HEMK2: variants seen among roughly 807,000 people sequenced by gnomAD.
HEMK2 encodes HemK methyltransferase 2, ETF1 glutamine and histone H4 lysine, also known as methyltransferase HEMK2.
chr21:28,814,678 G>A, the HEMK2 span, among the ~76,000 whole-genome samples: 2 of 152,028 alleles, frequency 1.3e-5, no homozygotes, highest in East Asian at 1.9e-4. Context: ...AAACCACAAC[G>A]AGATACCATC....
the HEMK2 span, among the ~76,000 whole-genome samples, chr21:28,623,526 C>G: frequency 6.6e-6 from 1 of 152,210 alleles, no homozygotes; most frequent in Admixed American, 6.5e-5. Context: ...TACAAAGACA[C>G]ATGCACACAT....
the HEMK2 span, among the ~76,000 whole-genome samples, chr21:28,774,588 T>TA: frequency 0.089 from 13,450 of 150,912 alleles, 1,027 homozygotes; most frequent in African/African-American, 0.21. Flanking sequence ...ACCCTGCTTC[T>TA]AAAAAAAAAG....
the HEMK2 span, chr21:28,885,209 C>A: frequency 6.4e-7 from 1 of 1,574,122 alleles, no homozygotes; most frequent in Non-Finnish European, 8.7e-7. Context: ...CCCCTCCTCG[C>A]ACCCTGCCAG....
the HEMK2 span, among the ~76,000 whole-genome samples, chr21:28,711,732 A>G: frequency 6.6e-6 from 1 of 152,302 alleles, no homozygotes; most frequent in East Asian, 1.9e-4. Context: ...TTGAAGAATT[A>G]ATAGGATTCA....
At chr21:28,759,390 T>C in the HEMK2 span, among the ~76,000 whole-genome samples, 3 of 152,198 alleles carry the variant, frequency 2.0e-5, no homozygotes, top group African/African-American at 7.2e-5. Context: ...TATTTCCCAA[T>C]GCCTGTACCC....
the HEMK2 span, among the ~76,000 whole-genome samples, chr21:28,582,727 A>G: frequency 3.9e-5 from 6 of 152,250 alleles, no homozygotes; most frequent in Admixed American, 3.9e-4. Flanking sequence ...AAGATACACA[A>G]TTATTGATAT....
At chr21:28,835,113 C>T in the HEMK2 span, among the ~76,000 whole-genome samples, 8 of 152,068 alleles carry the variant, frequency 5.3e-5, no homozygotes, top group Non-Finnish European at 1.2e-4. Context: ...AGGGCCCCAC[C>T]CACCACCAGT....
At chr21:28,670,744 A>G in the HEMK2 span, among the ~76,000 whole-genome samples, 2 of 152,196 alleles carry the variant, frequency 1.3e-5, no homozygotes, top group African/African-American at 2.4e-5. Context: ...GCCTCAGGAA[A>G]CTTACAGTTG....
At chr21:28,693,359 A>C in the HEMK2 span, among the ~76,000 whole-genome samples, 1 of 152,140 alleles carries the variant, frequency 6.6e-6, no homozygotes, top group Non-Finnish European at 1.5e-5. Context: ...AAGCATGACA[A>C]ATTATTAAAG....
At chr21:28,863,120 T>C in the HEMK2 span, among the ~76,000 whole-genome samples, 1 of 151,974 alleles carries the variant, frequency 6.6e-6, no homozygotes, top group Non-Finnish European at 1.5e-5. Context: ...GAGATTAACA[T>C]TTGAGTCAGT....
chr21:28,868,884 A>T, the HEMK2 span, among the ~76,000 whole-genome samples: 2 of 152,152 alleles, frequency 1.3e-5, no homozygotes, highest in African/African-American at 4.8e-5. Context: ...TTATTATAAT[A>T]AGTCAGTGGT....
chr21:28,632,459 T>C, the HEMK2 span, among the ~76,000 whole-genome samples: 46,559 of 152,110 alleles, frequency 0.31, 7,284 homozygotes, highest in African/African-American at 0.35. Flanking sequence ...TATAATTAAA[T>C]AACTTCAATT....
the HEMK2 span, among the ~76,000 whole-genome samples, chr21:28,667,357 G>C: frequency 6.6e-6 from 1 of 152,074 alleles, no homozygotes; most frequent in Non-Finnish European, 1.5e-5. Context: ...GTGTTTCTTT[G>C]ATGAAAGAAT....
the HEMK2 span, among the ~76,000 whole-genome samples, chr21:28,662,906 T>C: frequency 6.6e-6 from 1 of 152,112 alleles, no homozygotes; most frequent in Non-Finnish European, 1.5e-5. Flanking sequence ...CTCTCTTATC[T>C]GTTTCTCCAT....
chr21:28,834,909 G>C, the HEMK2 span, among the ~76,000 whole-genome samples: 6 of 152,012 alleles, frequency 3.9e-5, no homozygotes, highest in African/African-American at 1.2e-4. Flanking sequence ...TGACTCAGCA[G>C]AGGCAGCCAT....
chr21:28,825,888 A>C, the HEMK2 span, among the ~76,000 whole-genome samples: 1 of 152,218 alleles, frequency 6.6e-6, no homozygotes, highest in African/African-American at 2.4e-5. Flanking sequence ...TACAGCCTAG[A>C]TCCACCTACA....
chr21:28,607,580 C>T, the HEMK2 span, among the ~76,000 whole-genome samples: 1 of 152,150 alleles, frequency 6.6e-6, no homozygotes, highest in African/African-American at 2.4e-5. Context: ...TACTCCTTCA[C>T]TCTAGCCAAC....
the HEMK2 span, chr21:28,872,779 G>C: frequency 1.3e-5 from 2 of 151,794 alleles, no homozygotes; most frequent in African/African-American, 4.8e-5. Flanking sequence ...CAAACAATGA[G>C]GCAGGAAAAA....
At chr21:28,714,961 C>T in the HEMK2 span, among the ~76,000 whole-genome samples, 2 of 152,182 alleles carry the variant, frequency 1.3e-5, no homozygotes, top group Admixed American at 1.3e-4. Flanking sequence ...CTGCTGCAAT[C>T]AATGTGACTT....
Sources: gnomAD v4.1 joint callset for allele counts (sites outside exome capture counted in the v4.1 genomes callset) on GRCh38, gnomAD v4.1.1 for gene constraint, MANE v1.5 for transcripts, NCBI Gene and HGNC (gene_info 2026-07-23, HGNC 2026-07-21) for gene names.